Variants in DLGAP2 observed in about 807,000 individuals in gnomAD.
DLGAP2 encodes the protein DLG associated protein 2, also known as disks large-associated protein 2.
DLGAP2 carries 26 observed loss-of-function variants against 100.3 expected under a neutral mutation model. The ratio of observed to expected loss-of-function variants is 0.26; its 90% CI spans 0.19 to 0.36. The LOEUF is 0.36. Ranked by LOEUF, DLGAP2 falls within the 10% of genes least tolerant of loss-of-function variation. The pLI, the probability that DLGAP2 is intolerant of heterozygous loss-of-function variation, is 1.00. For missense variants in DLGAP2, 1,858 were observed against 1,453.2 expected, an observed-to-expected ratio of 1.28 and a Z score of -4.53; for synonymous variants, 886 against 630.1, an observed-to-expected ratio of 1.41 and a Z score of -6.08.
chr8:1,110,537 G>T (rs943094908), intron 2 of DLGAP2, among the ~76,000 whole-genome samples: 1 of 151,400 alleles, frequency 6.6e-6, no homozygotes, highest in Non-Finnish European at 1.5e-5. Context: ...TGTGAGGTGT[G>T]CATAGGGTGG....
intron 2 of DLGAP2, among the ~76,000 whole-genome samples, chr8:982,308 T>C (rs746977186): frequency 9.8e-5 from 15 of 152,374 alleles, no homozygotes; most frequent in South Asian, 6.2e-4. Flanking sequence ...GCACTCAGCA[T>C]GTGCGACAGT....
intron 3 of DLGAP2, among the ~76,000 whole-genome samples, chr8:1,346,890 C>G (rs1280428600): frequency 6.6e-6 from 1 of 151,766 alleles, no homozygotes; most frequent in Non-Finnish European, 1.5e-5. Flanking sequence ...CTGCGTTGCA[C>G]TCACGGTAGC....
chr8:1,547,434 G>T (rs998957921), intron 4 of DLGAP2, among the ~76,000 whole-genome samples: 21 of 152,048 alleles, frequency 1.4e-4, no homozygotes, highest in African/African-American at 5.1e-4. Flanking sequence ...GGAGAGAGAG[G>T]AGGAGGCCAT....
At chr8:1,213,140 T>C (rs1250453593) in intron 2 of DLGAP2, among the ~76,000 whole-genome samples, 1 of 152,186 alleles carries the variant, frequency 6.6e-6, no homozygotes, top group Non-Finnish European at 1.5e-5. Context: ...CACATCATCC[T>C]CAAGTCACGT....
In DLGAP2 at chr8:1,604,793, C is replaced by T. The variant is rs2130713536; in HGVS notation, c.1443-21947C>T. On this transcript the variant is annotated intron_variant, in intron 6 of 14. Coordinates refer to ENST00000637795, the MANE Select transcript of DLGAP2 (RefSeq NM_001346810.2). ...TCAAAAATATTTATAAAGAAAAAAG[C>T]AATGTACTTGTTAAAAAAAAAACTC... 3 of 151,534 alleles carry T rather than the reference C, an allele frequency of 2.0e-5. No homozygotes were observed. The South Asian group carries it at 6.3e-4, about 32-fold the overall frequency. 9.4% of individuals were successfully genotyped at this position (151,534 alleles called of 1,614,324 possible).
At chr8:766,183 A>G (rs1821211406) in intron 1 of DLGAP2, among the ~76,000 whole-genome samples, 1 of 152,176 alleles carries the variant, frequency 6.6e-6, no homozygotes, top group African/African-American at 2.4e-5. Flanking sequence ...ACAAAAAACA[A>G]GAAACAAAAC....
chr8:1,269,871 C>T (rs911494261), intron 3 of DLGAP2, among the ~76,000 whole-genome samples: 2 of 152,162 alleles, frequency 1.3e-5, no homozygotes, highest in African/African-American at 4.8e-5. Context: ...AAAAGGGAAA[C>T]TCGCTGAGTG....
chr8:1,376,048 C>T lies in DLGAP2; in HGVS notation c.106+117165C>T, dbSNP rs58869261. On this transcript the variant is annotated intron_variant, in intron 3 of 14. Coordinates refer to ENST00000637795, the MANE Select transcript of DLGAP2 (RefSeq NM_001346810.2). ...ACCTCCTACATTTGGGTTAACGACA[C>T]CTCTCCACGGCCTCAGAACTGAGCC... Among the ~76,000 whole-genome samples the T allele has an allele frequency of 4.8e-3, 353 of 73,836 alleles. 10 individuals are homozygous for T. Among genetic ancestry groups the T allele is most frequent in the African/African-American group, 0.014 (222 of 16,240 alleles). 48.4% of individuals were successfully genotyped at this position (73,836 alleles called of 152,430 possible).
chr8:811,145 T>TC (rs1213749029), intron 1 of DLGAP2, among the ~76,000 whole-genome samples: 1 of 152,222 alleles, frequency 6.6e-6, no homozygotes, highest in African/African-American at 2.4e-5. Context: ...TGAAGCTCAC[T>TC]CCATTATCCC....
At chr8:1,212,080 A>G (rs2116788806) in intron 2 of DLGAP2, among the ~76,000 whole-genome samples, 1 of 152,262 alleles carries the variant, frequency 6.6e-6, no homozygotes, top group East Asian at 1.9e-4. Context: ...GAACAAATGA[A>G]AACATTTAAA....
intron 7 of DLGAP2, among the ~76,000 whole-genome samples, chr8:1,632,524 T>C (rs1797672052): frequency 6.6e-6 from 1 of 152,202 alleles, no homozygotes; most frequent in South Asian, 2.1e-4. Flanking sequence ...TGCTAATCTT[T>C]TAAAAGTTCT....
intron 3 of DLGAP2, among the ~76,000 whole-genome samples, chr8:1,468,369 C>T (rs1224203954): frequency 6.6e-6 from 1 of 151,810 alleles, no homozygotes; most frequent in East Asian, 1.9e-4. Flanking sequence ...CCCCAGCAGC[C>T]TCAGTCCATT....
At chr8:1,036,178 C>G (rs1376431040) in intron 2 of DLGAP2, among the ~76,000 whole-genome samples, 2 of 150,488 alleles carry the variant, frequency 1.3e-5, no homozygotes, top group Non-Finnish European at 3.0e-5. Flanking sequence ...CATCCCGACC[C>G]CGCGTGTCAC....
intron 2 of DLGAP2, among the ~76,000 whole-genome samples, chr8:1,111,061 C>T (rs544834718): frequency 1.6e-4 from 25 of 152,346 alleles, no homozygotes; most frequent in Non-Finnish European, 2.5e-4. Context: ...GCCACCTGCA[C>T]GCCACAGTGC....
chr8:859,389 GGT>G (rs1797346882), intron 1 of DLGAP2, among the ~76,000 whole-genome samples: 1 of 152,196 alleles, frequency 6.6e-6, no homozygotes, highest in Admixed American at 6.5e-5. Flanking sequence ...TGGGATTACA[GGT>G]GTGAGCCAGC....
chr8:1,302,772 T>A (rs896023283), intron 3 of DLGAP2, among the ~76,000 whole-genome samples: 1 of 152,248 alleles, frequency 6.6e-6, no homozygotes, highest in African/African-American at 2.4e-5. Flanking sequence ...CTGGGGACCA[T>A]GGAGCGACCT....
intron 3 of DLGAP2, among the ~76,000 whole-genome samples, chr8:1,288,563 T>TGTA (rs1799990769): frequency 8.9e-6 from 1 of 112,306 alleles, no homozygotes; most frequent in Non-Finnish European, 1.8e-5. Flanking sequence ...TGTGTGTGGT[T>TGTA]AGGAGGGGAA....
chr8:978,171 G>T, intron 2 of DLGAP2, among the ~76,000 whole-genome samples: 2 of 134,276 alleles, frequency 1.5e-5, no homozygotes, highest in Admixed American at 7.7e-5. Context: ...TGCAGTGAGA[G>T]GGTGGGTTCT....
chr8:1,534,685 A>G (rs1002882998), intron 4 of DLGAP2, among the ~76,000 whole-genome samples: 4 of 152,184 alleles, frequency 2.6e-5, no homozygotes, highest in African/African-American at 9.7e-5. Context: ...TTTTTTGTCC[A>G]TCTCGCTATT....
Sources: gnomAD v4.1 joint callset for allele counts (sites outside exome capture counted in the v4.1 genomes callset) on GRCh38, gnomAD v4.1.1 for gene constraint, MANE v1.5 for transcripts, NCBI Gene and HGNC (gene_info 2026-07-23, HGNC 2026-07-21) for gene names.